SHC4: variants seen among roughly 807,000 people sequenced by gnomAD.
SHC4 encodes the protein SHC-transforming protein 4.
A neutral mutation model predicts 69.4 loss-of-function variants in SHC4; 41 were observed. The observed-to-expected ratio is 0.59, with a 90% CI of 0.46 to 0.77. The LOEUF is 0.77. Among genes scored for constraint, SHC4 ranks in the 30% least tolerant of loss-of-function variants. SHC4 has a pLI of 0.00. For synonymous variants in SHC4, 318 were observed against 299.3 expected, an observed-to-expected ratio of 1.06 and a Z score of -0.64; for missense variants, 777 against 783.8, an observed-to-expected ratio of 0.99 and a Z score of 0.10.
chr15:48,862,196 G>GT (rs377462915), intron 6 of SHC4, among the ~76,000 whole-genome samples: 14,845 of 146,022 alleles, frequency 0.1, 940 homozygotes, highest in Non-Finnish European at 0.15. Flanking sequence ...TGGTTTTGGG[G>GT]TTTTTTTTTT....
chr15:48,882,098 T>C (rs949995590), intron 4 of SHC4, among the ~76,000 whole-genome samples: 19 of 152,216 alleles, frequency 1.2e-4, no homozygotes, highest in Non-Finnish European at 1.9e-4. Context: ...GTGGTAGCAT[T>C]AAGGATTTAA....
At chr15:48,829,294 T>G (rs1408500573) in intron 11 of SHC4, among the ~76,000 whole-genome samples, 2 of 152,202 alleles carry the variant, frequency 1.3e-5, no homozygotes, top group African/African-American at 4.8e-5. Flanking sequence ...TCCTCATTGA[T>G]CTGTCTGGTG....
At chr15:48,873,163 G>A (rs1010950621) in intron 4 of SHC4, among the ~76,000 whole-genome samples, 6 of 152,276 alleles carry the variant, frequency 3.9e-5, no homozygotes, top group Admixed American at 2.0e-4. Flanking sequence ...CATGTTTGCT[G>A]AGCAAAAGAA....
At chr15:48,957,977 G>A (rs1901482220) in intron 1 of SHC4, among the ~76,000 whole-genome samples, 1 of 152,204 alleles carries the variant, frequency 6.6e-6, no homozygotes, top group South Asian at 2.1e-4. Context: ...AAGAGACAAG[G>A]AAGAGCTCTA....
intron 2 of SHC4, among the ~76,000 whole-genome samples, chr15:48,898,555 A>G (rs977414036): frequency 2.0e-5 from 3 of 152,156 alleles, no homozygotes; most frequent in Non-Finnish European, 4.4e-5. Flanking sequence ...TTGCTAGCCA[A>G]CCCAGCTCAG....
chr15:48,914,442 T>C (rs1454073580), intron 2 of SHC4, among the ~76,000 whole-genome samples: 1 of 152,234 alleles, frequency 6.6e-6, no homozygotes, highest in Non-Finnish European at 1.5e-5. Flanking sequence ...AGAAGCTCTG[T>C]GCAGTGTTAA....
At chr15:48,871,638 C>T (rs1029686476) in intron 5 of SHC4, among the ~76,000 whole-genome samples, 3 of 152,180 alleles carry the variant, frequency 2.0e-5, no homozygotes, top group Non-Finnish European at 4.4e-5. Context: ...TCCTGCAAAC[C>T]TGGTTGCTCA....
intron 6 of SHC4, among the ~76,000 whole-genome samples, chr15:48,866,266 G>A (rs1899557942): frequency 6.6e-6 from 1 of 151,892 alleles, no homozygotes; most frequent in Non-Finnish European, 1.5e-5. Flanking sequence ...CCCATTCACT[G>A]GTTCCTGTCT....
intron 6 of SHC4, among the ~76,000 whole-genome samples, chr15:48,858,809 G>A (rs914095638): frequency 6.6e-6 from 1 of 152,170 alleles, no homozygotes; most frequent in Admixed American, 6.5e-5. Context: ...ATAACCAGAA[G>A]AATTGAGAGA....
At chr15:48,886,877 G>C (rs1170774576) in intron 3 of SHC4, among the ~76,000 whole-genome samples, 4 of 152,200 alleles carry the variant, frequency 2.6e-5, no homozygotes, top group African/African-American at 9.7e-5. Flanking sequence ...GAAAGAGAAG[G>C]CTGAGGATGG....
At position 48,825,684 on chromosome 15, in the gene SHC4, GC is replaced by G. The variant is rs1431503249; in HGVS notation, c.*286del. 2 of 274,300 alleles carry G rather than the reference GC, an allele frequency of 7.3e-6. No homozygotes were observed. Among genetic ancestry groups the G allele is most frequent in the East Asian group, 7.4e-5 (1 of 13,432 alleles). 17.0% of individuals were successfully genotyped at this position (274,300 alleles called of 1,614,324 possible). On this transcript the variant is annotated 3_prime_UTR_variant, in exon 12 of 12. Transcript: ENST00000332408. ...CGTTAGCATGTGAAATTTTAGTTGTGCTTTTAGCTTGTTATCAATGCAATAT... is the reference window on the plus strand; with the variant it reads ...CGTTAGCATGTGAAATTTTAGTTGTGTTTTAGCTTGTTATCAATGCAATAT...
At chr15:48,876,450 T>C in intron 4 of SHC4, 1 of 320,268 alleles carries the variant, frequency 3.1e-6, no homozygotes, top group South Asian at 1.8e-4. Context: ...TACATATATA[T>C]ATACACACAC....
At chr15:48,916,046 C>T (rs1403036877) in intron 2 of SHC4, among the ~76,000 whole-genome samples, 1 of 152,198 alleles carries the variant, frequency 6.6e-6, no homozygotes, top group Non-Finnish European at 1.5e-5. Flanking sequence ...GATACTCTCA[C>T]TTATCCATGC....
intron 2 of SHC4, among the ~76,000 whole-genome samples, chr15:48,912,591 A>G (rs1282632234): frequency 6.6e-6 from 1 of 152,170 alleles, no homozygotes; most frequent in Non-Finnish European, 1.5e-5. Context: ...TTTTTCAGGT[A>G]AATCATGGAT....
At chr15:48,836,806 T>G (rs1429642184) in intron 10 of SHC4, among the ~76,000 whole-genome samples, 1 of 152,258 alleles carries the variant, frequency 6.6e-6, no homozygotes, top group Non-Finnish European at 1.5e-5. Flanking sequence ...TGAGGGCTTC[T>G]TTCTGCACAC....
At chr15:48,872,830 G>T (rs1488992005) in intron 4 of SHC4, among the ~76,000 whole-genome samples, 5 of 152,294 alleles carry the variant, frequency 3.3e-5, no homozygotes, top group South Asian at 2.1e-4. Context: ...GTCTAGGATT[G>T]CTTGTTTGCA....
chr15:48,916,537 C>T (rs997210047), intron 2 of SHC4, among the ~76,000 whole-genome samples: 9 of 138,474 alleles, frequency 6.5e-5, no homozygotes, highest in African/African-American at 1.9e-4. Context: ...AGAGAACCTC[C>T]TTACTGTCTA....
At chr15:48,955,000 C>T (rs372302154) in intron 1 of SHC4, among the ~76,000 whole-genome samples, 2 of 152,198 alleles carry the variant, frequency 1.3e-5, no homozygotes, top group Non-Finnish European at 2.9e-5. Flanking sequence ...GAAATGGGAA[C>T]AGCCTGTACT....
At chr15:48,959,884 C>G (rs576344945) in intron 1 of SHC4, among the ~76,000 whole-genome samples, 95 of 152,326 alleles carry the variant, frequency 6.2e-4, no homozygotes, top group African/African-American at 2.2e-3. Context: ...GATTTGGGCT[C>G]TAGATCTCAC....
Sources: gnomAD v4.1 joint callset for allele counts (sites outside exome capture counted in the v4.1 genomes callset) on GRCh38, gnomAD v4.1.1 for gene constraint, MANE v1.5 for transcripts, NCBI Gene and HGNC (gene_info 2026-07-23, HGNC 2026-07-21) for gene names.